The following SLC25A48 variants were observed in gnomAD, a reference collection of about 807,000 sequenced individuals.
SLC25A48 encodes the protein CTC-321K16.1.
SLC25A48 carries 29 observed loss-of-function variants against 32.2 expected under a neutral mutation model. The observed-to-expected ratio is 0.90, with a 90% CI of 0.67 to 1.23. The LOEUF (loss-of-function observed/expected upper bound fraction) is 1.23. Among genes scored for constraint, SLC25A48 ranks in the 50% most tolerant of loss-of-function variants. The pLI, the probability that SLC25A48 is intolerant of heterozygous loss-of-function variation, is 0.00. For missense variants in SLC25A48, 399 were observed against 422.7 expected, an observed-to-expected ratio of 0.94 and a Z score of 0.49; for synonymous variants, 164 against 172.3, an observed-to-expected ratio of 0.95 and a Z score of 0.38.
At chr5:135,739,268 C>T (rs542538306) in intron 3 of SLC25A48, among the ~76,000 whole-genome samples, 45 of 152,212 alleles carry the variant, frequency 3.0e-4, no homozygotes, top group African/African-American at 1.1e-3. Flanking sequence ...CAAGTGCTCA[C>T]CATCATGCCT....
chr5:135,844,478 T>C lies in SLC25A48; in HGVS notation c.90+2019T>C, dbSNP rs181634765. On this transcript the variant is annotated intron_variant, in intron 2 of 7. Transcript: ENST00000681962. ...AGAATGGATCAGTGGGGAGGCAGCA[T>C]GGCCAAGCCAGAAAGCATGGGCTTT... 3.8e-4 allele frequency among the ~76,000 whole-genome samples: 58 copies of C among 152,324 alleles called. No homozygotes were observed. The East Asian group carries it at 0.011, about 28-fold the overall frequency.
intron 1 of SLC25A48, among the ~76,000 whole-genome samples, chr5:135,594,931 G>T (rs898871518): frequency 2.0e-5 from 3 of 152,188 alleles, no homozygotes; most frequent in African/African-American, 7.2e-5. Flanking sequence ...AAACTGAGGT[G>T]CAGTGAGGGA....
chr5:135,884,574 C>T (rs1762651954), intron 7 of SLC25A48, among the ~76,000 whole-genome samples: 2 of 152,060 alleles, frequency 1.3e-5, no homozygotes, highest in South Asian at 4.2e-4. Flanking sequence ...TGGAGAGGCT[C>T]TATTGATGGG....
chr5:135,612,523 C>T (rs1347720064), intron 1 of SLC25A48, among the ~76,000 whole-genome samples: 4 of 152,164 alleles, frequency 2.6e-5, no homozygotes, highest in African/African-American at 4.8e-5. Flanking sequence ...CTTTTCATCT[C>T]TCCACCCCTG....
Position 135,850,487 on chromosome 5 carries a change from G to T in SLC25A48, c.153G>T (p.Arg51Ser), listed in dbSNP as rs776879348. 1.5e-5 allele frequency: 25 copies of T among 1,614,084 alleles called. No individual in the cohort carries two copies. In the African/African-American group the frequency reaches 1.7e-4, roughly 11 times the overall value. ...TCAGCTGCATCCGCGTGGTGTACAG[G>T]AGGGAGAGTGTAAGTGCCCCTTGGG... ...NTLSCIRVVY[R>S]RESMFGFFKG... Residue 51 changes from arginine (R) to serine (S), a missense_variant, in exon 3 of 8, where the codon AGG (arginine) becomes AGT (serine). Arg to Ser is a moderately radical substitution (Grantham distance 110, BLOSUM62 -1). Transcript: ENST00000681962.
At chr5:135,778,209 G>A (rs1428610984) in intron 3 of SLC25A48, among the ~76,000 whole-genome samples, 3 of 151,592 alleles carry the variant, frequency 2.0e-5, no homozygotes, top group Middle Eastern at 3.4e-3. Flanking sequence ...ATCGCAGGGC[G>A]TGTACACCCC....
At chr5:135,749,338 G>A (rs1755716431) in intron 3 of SLC25A48, among the ~76,000 whole-genome samples, 2 of 151,560 alleles carry the variant, frequency 1.3e-5, no homozygotes, top group Non-Finnish European at 2.9e-5. Flanking sequence ...CTTGCTCCAG[G>A]TTTCTCCCAC....
intron 3 of SLC25A48, among the ~76,000 whole-genome samples, chr5:135,756,622 G>A (rs1262669083): frequency 6.6e-6 from 1 of 152,112 alleles, no homozygotes; most frequent in Non-Finnish European, 1.5e-5. Flanking sequence ...AGTGAGCTGA[G>A]ATTATGCCAT....
At chr5:135,771,130 A>G (rs932723057) in intron 3 of SLC25A48, among the ~76,000 whole-genome samples, 1 of 150,990 alleles carries the variant, frequency 6.6e-6, no homozygotes, top group African/African-American at 2.4e-5. Flanking sequence ...GTTTCTCCTA[A>G]TATTCAGTGG....
rs558173842 is a variant in SLC25A48, at chr5:135,774,084, T to C, written c.-520-38439T>C. Among the ~76,000 whole-genome samples the C allele has an allele frequency of 3.3e-5, 5 of 151,324 alleles. No individual in the cohort carries two copies. The South Asian group carries it at 6.3e-4, about 19-fold the overall frequency. On this transcript the variant is annotated intron_variant, in intron 3 of 10. Transcript: ENST00000646290. ...CTCTCCCATGTTATTTTTCCAAATA[T>C]CCAGGGGAATGAGAATGATATTACT...
At chr5:135,801,107 G>C (rs1757311236) in intron 3 of SLC25A48, among the ~76,000 whole-genome samples, 1 of 150,674 alleles carries the variant, frequency 6.6e-6, no homozygotes, top group Non-Finnish European at 1.5e-5. Flanking sequence ...GATGTTGTTT[G>C]TAATATCCAG....
At chr5:135,846,195 T>C (rs1391068150) in intron 2 of SLC25A48, among the ~76,000 whole-genome samples, 1 of 152,192 alleles carries the variant, frequency 6.6e-6, no homozygotes, top group Non-Finnish European at 1.5e-5. Flanking sequence ...GATTATCTGA[T>C]GGTTTCACCT....
intron 3 of SLC25A48, among the ~76,000 whole-genome samples, chr5:135,726,327 T>C (rs998023122): frequency 3.3e-5 from 5 of 152,256 alleles, no homozygotes. Flanking sequence ...ACCCAGTTTC[T>C]TCCAATGGTA....
chr5:135,679,420 G>C (rs998377583), intron 3 of SLC25A48, among the ~76,000 whole-genome samples: 2 of 152,194 alleles, frequency 1.3e-5, no homozygotes, highest in African/African-American at 4.8e-5. Context: ...GACCAGTGTG[G>C]AATGCTTGGG....
At chr5:135,651,975 C>T (rs965927717) in intron 3 of SLC25A48, among the ~76,000 whole-genome samples, 2 of 152,184 alleles carry the variant, frequency 1.3e-5, no homozygotes, top group South Asian at 2.1e-4. Context: ...CGTGTGAATG[C>T]CCAAAGGGCA....
At chr5:135,877,998 A>G (rs1222500161) in intron 6 of SLC25A48, among the ~76,000 whole-genome samples, 1 of 152,176 alleles carries the variant, frequency 6.6e-6, no homozygotes, top group Non-Finnish European at 1.5e-5. Context: ...AAGGGAGAGC[A>G]TGTGGGTCGT....
In SLC25A48 at chr5:135,852,601, C is replaced by T; in HGVS notation, c.201C>T (p.Ala67=). 6.2e-7 allele frequency: 1 copy of T among 1,603,668 alleles called. No individual in the cohort carries two copies. Among genetic ancestry groups the T allele is most frequent in the Non-Finnish European group, 8.5e-7 (1 of 1,171,094 alleles). The change falls in exon 4 of 8, where the codon GCC becomes GCT. Residue 67 remains alanine (A), a synonymous_variant. Transcript: ENST00000681962. ...TCAAGGGCATGTCCTTCCCCCTCGC[C>T]AGCATTGCCGTCTACAACTCCGTGG... The part of the protein sequence containing the change: ...GFFKGMSFPL[A]SIAVYNSVVF...
At chr5:135,609,116 G>A (rs1342117316) in intron 1 of SLC25A48, among the ~76,000 whole-genome samples, 1 of 152,214 alleles carries the variant, frequency 6.6e-6, no homozygotes, top group Non-Finnish European at 1.5e-5. Flanking sequence ...GACCCACTCT[G>A]TGGCTTTGGG....
chr5:135,680,271 A>C (rs933116468), intron 3 of SLC25A48, among the ~76,000 whole-genome samples: 1 of 152,166 alleles, frequency 6.6e-6, no homozygotes, highest in East Asian at 1.9e-4. Context: ...CTTACACTAC[A>C]TCTTGAAATC....
Sources: gnomAD v4.1 joint callset for allele counts (sites outside exome capture counted in the v4.1 genomes callset) on GRCh38, gnomAD v4.1.1 for gene constraint, MANE v1.5 for transcripts, NCBI Gene and HGNC (gene_info 2026-07-23, HGNC 2026-07-21) for gene names.